CYTH3: variants seen among roughly 807,000 people sequenced by gnomAD.
The protein encoded by CYTH3 is cytohesin 3.
A neutral mutation model predicts 55.1 loss-of-function variants in CYTH3; 23 were observed. That is an observed-to-expected ratio of 0.42 (90% CI 0.30 to 0.59). CYTH3 has a LOEUF of 0.59. Ranked by LOEUF, CYTH3 falls within the 20% of genes least tolerant of loss-of-function variation. CYTH3 has a pLI of 0.20. For missense variants in CYTH3, 413 were observed against 524.8 expected (o/e 0.79, Z 2.08); for synonymous variants, 249 against 194.9 (o/e 1.28, Z -2.31).
At chr7:6,262,518 G>A (rs1780377813) in intron 1 of CYTH3, among the ~76,000 whole-genome samples, 1 of 152,128 alleles carries the variant, frequency 6.6e-6, no homozygotes, top group African/African-American at 2.4e-5. Flanking sequence ...GACTGATGCA[G>A]CTGACTTCTC....
rs1397230472 is a variant in CYTH3, at chr7:6,167,369, G to A, written c.824-1559C>T. 1.3e-5 allele frequency among the ~76,000 whole-genome samples: 2 copies of A among 152,160 alleles called. No homozygotes were observed. Among genetic ancestry groups the A allele is most frequent in the Non-Finnish European group, 2.9e-5 (2 of 68,032 alleles). On this transcript the variant is annotated intron_variant, in intron 9 of 12. Transcript: ENST00000350796. The surrounding 1 kb of genome is among the most constrained non-coding windows in gnomAD (Gnocchi z 5.5). ...GAGACCCTAGGGACAGGAGGACAGTGCTGATTCCTTCCAGGCACTTGCTCC... is the reference window on the plus strand; with the variant it reads ...GAGACCCTAGGGACAGGAGGACAGTACTGATTCCTTCCAGGCACTTGCTCC...
chr7:6,233,817 A>G (rs1779449355), intron 1 of CYTH3, among the ~76,000 whole-genome samples: 1 of 152,120 alleles, frequency 6.6e-6, no homozygotes, highest in Admixed American at 6.5e-5. Flanking sequence ...GTAAACAGGA[A>G]TCAATTTCTT....
intron 4 of CYTH3, among the ~76,000 whole-genome samples, chr7:6,178,799 C>G (rs563749223): frequency 4.6e-5 from 7 of 152,338 alleles, no homozygotes; most frequent in African/African-American, 9.6e-5. Context: ...TGCGGCACAG[C>G]TGACAATCTC....
At chr7:6,263,102 C>A (rs528540135) in intron 1 of CYTH3, among the ~76,000 whole-genome samples, 1 of 152,318 alleles carries the variant, frequency 6.6e-6, no homozygotes, top group African/African-American at 2.4e-5. Flanking sequence ...GTATGTCCAT[C>A]TGATTCTCCA....
chr7:6,263,638 A>C (rs1253165112), intron 1 of CYTH3, among the ~76,000 whole-genome samples: 1 of 151,652 alleles, frequency 6.6e-6, no homozygotes, highest in Non-Finnish European at 1.5e-5. Flanking sequence ...TCTACTAAAA[A>C]TACTAAAAAT....
chr7:6,266,509 T>G (rs1780497458), intron 1 of CYTH3, among the ~76,000 whole-genome samples: 1 of 152,210 alleles, frequency 6.6e-6, no homozygotes, highest in Admixed American at 6.5e-5. Context: ...GAATAAAATC[T>G]GCATTCCTTA....
At chr7:6,244,041 A>G (rs2128555967) in intron 1 of CYTH3, among the ~76,000 whole-genome samples, 1 of 152,356 alleles carries the variant, frequency 6.6e-6, no homozygotes, top group East Asian at 1.9e-4. Context: ...ACAGGTTTTA[A>G]ACCTGTACTG....
chr7:6,191,152 T>C (rs1211653877), intron 1 of CYTH3, among the ~76,000 whole-genome samples: 3 of 149,368 alleles, frequency 2.0e-5, no homozygotes, highest in East Asian at 4.1e-4. Flanking sequence ...ATGATGACTA[T>C]GAAAGAAGGC....
At chr7:6,251,206 C>T (rs145963929) in intron 1 of CYTH3, among the ~76,000 whole-genome samples, 7,645 of 151,910 alleles carry the variant, frequency 0.05, 285 homozygotes, top group Non-Finnish European at 0.076. Flanking sequence ...ATCCAGGTGG[C>T]GGAGGTTGCA....
At chr7:6,253,342 G>T (rs1461424652) in intron 1 of CYTH3, among the ~76,000 whole-genome samples, 1 of 151,544 alleles carries the variant, frequency 6.6e-6, no homozygotes, top group African/African-American at 2.4e-5. Flanking sequence ...CTCAGCTTGA[G>T]ATTTCAGGTA....
rs566715537 is a variant in CYTH3, at chr7:6,166,069, T to C, written c.824-259A>G. On this transcript the variant is annotated intron_variant, in intron 9 of 12. Coordinates refer to ENST00000350796, the MANE Select transcript of CYTH3 (RefSeq NM_004227.4). Reference sequence around the variant, plus strand: ...ACAATTCGCTTCCTGGGAGAGTTAGTGGGATGGATGGCGTCATTTTCCCAC... The same window carrying C: ...ACAATTCGCTTCCTGGGAGAGTTAGCGGGATGGATGGCGTCATTTTCCCAC... Among the ~76,000 whole-genome samples, 3 of 152,114 alleles carry C rather than the reference T, an allele frequency of 2.0e-5. No homozygotes were observed. In the East Asian group the frequency reaches 5.8e-4, roughly 30 times the overall value.
intron 1 of CYTH3, among the ~76,000 whole-genome samples, chr7:6,270,224 A>T (rs141751629): frequency 6.6e-6 from 1 of 152,364 alleles, no homozygotes; most frequent in African/African-American, 2.4e-5. Flanking sequence ...CTCATATTTC[A>T]AAACTTTGCT....
chr7:6,194,607 G>A (rs898798142), intron 1 of CYTH3, among the ~76,000 whole-genome samples: 1 of 152,120 alleles, frequency 6.6e-6, no homozygotes, highest in Non-Finnish European at 1.5e-5. Context: ...TTACTCCCAG[G>A]TATATCAGAA....
chr7:6,181,866 C>G (rs546304038), intron 4 of CYTH3, among the ~76,000 whole-genome samples: 68 of 152,264 alleles, frequency 4.5e-4, no homozygotes, highest in African/African-American at 1.5e-3. Flanking sequence ...TCCATATGCT[C>G]AAGTGATGAT....
intron 1 of CYTH3, among the ~76,000 whole-genome samples, chr7:6,256,647 T>C (rs1026752003): frequency 2.6e-5 from 4 of 152,120 alleles, no homozygotes; most frequent in Non-Finnish European, 4.4e-5. Context: ...GAGACTTAAA[T>C]CCTAAAACAA....
chr7:6,248,590 G>A (rs552937165), intron 1 of CYTH3, among the ~76,000 whole-genome samples: 4 of 152,186 alleles, frequency 2.6e-5, no homozygotes, highest in South Asian at 2.1e-4. Context: ...TGTTGAAGCC[G>A]CGTGTGTCCT....
At chr7:6,186,011 G>A (rs374915372) in intron 4 of CYTH3, among the ~76,000 whole-genome samples, 6 of 151,672 alleles carry the variant, frequency 4.0e-5, no homozygotes, top group Non-Finnish European at 5.9e-5. Context: ...TTGGGAGGCC[G>A]AGGCGGGCGG....
chr7:6,165,052 G>C, intron 12 of CYTH3, 36 bp from the exon 13 acceptor site: 1 of 1,611,714 alleles, frequency 6.2e-7, no homozygotes, highest in Non-Finnish European at 8.5e-7. Context: ...GTTAGGTCGT[G>C]GGTGACACAC....
chr7:6,255,772 T>G (rs1335204815), intron 1 of CYTH3, among the ~76,000 whole-genome samples: 4 of 146,190 alleles, frequency 2.7e-5, no homozygotes, highest in African/African-American at 1.0e-4. Flanking sequence ...TTTTTTTTTT[T>G]TTTTTTTTTG....
Sources: gnomAD v4.1 joint callset for allele counts (sites outside exome capture counted in the v4.1 genomes callset) on GRCh38, gnomAD v4.1.1 for gene constraint, Gnocchi (gnomAD v3.1) non-coding constraint, MANE v1.5 for transcripts, NCBI Gene and HGNC (gene_info 2026-07-23, HGNC 2026-07-21) for gene names.